Variants in KIAA1671 observed in about 807,000 individuals in gnomAD.
KIAA1671 encodes KIAA1671, also known as uncharacterized protein KIAA1671.
Under a neutral mutation model 131.2 loss-of-function variants are expected in KIAA1671, and 52 were observed. The observed-to-expected ratio is 0.40, with a 90% CI of 0.32 to 0.50. The LOEUF is 0.50. Among genes scored for constraint, KIAA1671 ranks in the 20% least tolerant of loss-of-function variants. The probability of loss-of-function intolerance (pLI) is 0.73; values close to 1 mark genes in which losing one functional copy is unlikely to be tolerated. For missense variants in KIAA1671, 2,360 were observed against 2,364.2 expected (o/e 1.00, Z 0.04); for synonymous variants, 1,003 against 961.6 (o/e 1.04, Z -0.80).
At chr22:25,005,219 G>T (rs5996809) in intron 1 of KIAA1671, among the ~76,000 whole-genome samples, 30,540 of 150,782 alleles carry the variant, frequency 0.2, 3,227 homozygotes, top group East Asian at 0.44. Flanking sequence ...GTGGTGGCGC[G>T]CACGTGTAGT....
At chr22:24,979,329 A>AT (rs1923094392) in intron 1 of KIAA1671, among the ~76,000 whole-genome samples, 1 of 138,170 alleles carries the variant, frequency 7.2e-6, no homozygotes, top group Non-Finnish European at 1.5e-5. Flanking sequence ...CATCTTAATA[A>AT]TTTATTTTAT....
chr22:25,137,189 G>A (rs1291961199), intron 6 of KIAA1671, among the ~76,000 whole-genome samples: 1 of 152,216 alleles, frequency 6.6e-6, no homozygotes, highest in Non-Finnish European at 1.5e-5. Context: ...TCTGCCATGG[G>A]CAAGGGAGTG....
chr22:25,076,566 T>C (rs1929119506), intron 6 of KIAA1671, among the ~76,000 whole-genome samples: 1 of 152,096 alleles, frequency 6.6e-6, no homozygotes, highest in Admixed American at 6.6e-5. Flanking sequence ...GGGAGAGAGA[T>C]TAAGTTTCTC....
At chr22:25,189,827 GTCTCAA>G (rs1310937765) in intron 11 of KIAA1671, among the ~76,000 whole-genome samples, 8 of 152,098 alleles carry the variant, frequency 5.3e-5, no homozygotes, top group Non-Finnish European at 8.8e-5. Context: ...GCGTAGGCTG[GTCTCAA>G]ACTCCTGGGC....
rs868271702 is a variant in KIAA1671 at position 25,187,591 on chromosome 22, C to T, written c.5342+2472C>T. Among the ~76,000 whole-genome samples, 19 of 152,242 alleles carry T rather than the reference C, an allele frequency of 1.2e-4. No individual in the cohort carries two copies. The South Asian group carries it at 1.5e-3, about 12-fold the overall frequency. On this transcript the variant is annotated intron_variant, in intron 11 of 12. Transcript: ENST00000358431. ...GAATGCAATGGCATGATTATAGCCTCGACCTCCCCAGTCTCAGGTGAATCC... is the reference window on the plus strand; with the variant it reads ...GAATGCAATGGCATGATTATAGCCTTGACCTCCCCAGTCTCAGGTGAATCC...
At position 25,127,192 on chromosome 22, in the gene KIAA1671, G is replaced by A. The variant is rs117711996; in HGVS notation, c.4531-43628G>A. On this transcript the variant is annotated intron_variant, in intron 6 of 12. Transcript: ENST00000358431. ...GGTGGTGAGAATTCCATACAGTAACGAGTGTGCTGGGCACACTGGTAGGTG... is the reference window on the plus strand; with the variant it reads ...GGTGGTGAGAATTCCATACAGTAACAAGTGTGCTGGGCACACTGGTAGGTG... Among the ~76,000 whole-genome samples, 700 of 152,298 alleles carry A rather than the reference G, an allele frequency of 4.6e-3. 15 individuals are homozygous for A. Among genetic ancestry groups the A allele is most frequent in the East Asian group, 0.035 (179 of 5,186 alleles).
At chr22:25,152,560 A>G (rs138073521) in intron 6 of KIAA1671, among the ~76,000 whole-genome samples, 276 of 152,210 alleles carry the variant, frequency 1.8e-3, no homozygotes, top group African/African-American at 6.3e-3. Flanking sequence ...GCAGTCCCCA[A>G]TCCACCCTTC....
chr22:25,033,591 T>TTTTG (rs1926420225), intron 4 of KIAA1671, among the ~76,000 whole-genome samples: 1 of 133,010 alleles, frequency 7.5e-6, no homozygotes, highest in Non-Finnish European at 1.6e-5. Flanking sequence ...TTTTTTTTTT[T>TTTTG]TTTTTTTGAT....
chr22:25,111,750 G>C (rs1931361646), intron 6 of KIAA1671: 1 of 126,762 alleles, frequency 7.9e-6, no homozygotes, highest in South Asian at 2.8e-4. Context: ...GGTGCCCAAA[G>C]GCCGCCCCCT....
At chr22:25,094,685 T>C (rs1232971545) in intron 6 of KIAA1671, among the ~76,000 whole-genome samples, 1 of 152,114 alleles carries the variant, frequency 6.6e-6, no homozygotes, top group Admixed American at 6.5e-5. Context: ...AGAAAATATG[T>C]CATGTGCCTT....
intron 1 of KIAA1671, among the ~76,000 whole-genome samples, chr22:25,000,746 G>C (rs1924418702): frequency 6.6e-6 from 1 of 150,490 alleles, no homozygotes; most frequent in Non-Finnish European, 1.5e-5. Context: ...TGAACTCCTG[G>C]CCTCAAGTGA....
chr22:25,142,678 C>T (rs1208810869), intron 6 of KIAA1671, among the ~76,000 whole-genome samples: 1 of 152,108 alleles, frequency 6.6e-6, no homozygotes, highest in African/African-American at 2.4e-5. Context: ...TCGAGACCAG[C>T]CTGACTGATA....
intron 3 of KIAA1671, among the ~76,000 whole-genome samples, chr22:25,030,930 C>T (rs1233911041): frequency 6.6e-6 from 1 of 152,254 alleles, no homozygotes; most frequent in African/African-American, 2.4e-5. Context: ...GCCCTCAGTA[C>T]TTTAGAATAA....
At chr22:25,181,060 T>C (rs2146034246) in intron 9 of KIAA1671, among the ~76,000 whole-genome samples, 1 of 152,246 alleles carries the variant, frequency 6.6e-6, no homozygotes, top group Admixed American at 6.5e-5. Context: ...CACCAGGTCT[T>C]GCCTCTTTCA....
intron 9 of KIAA1671, 22 bp downstream of exon 9, chr22:25,177,544 C>T (rs1276767716): frequency 1.3e-6 from 2 of 1,537,516 alleles, no homozygotes; most frequent in Non-Finnish European, 1.8e-6. Context: ...CTTCTCTCCT[C>T]CTCAGATAGC....
At chr22:25,161,476 T>C (rs1419676540) in intron 6 of KIAA1671, among the ~76,000 whole-genome samples, 1 of 152,182 alleles carries the variant, frequency 6.6e-6, no homozygotes, top group Non-Finnish European at 1.5e-5. Flanking sequence ...GGCACGATGG[T>C]GCCTTGTGTG....
intron 6 of KIAA1671, among the ~76,000 whole-genome samples, chr22:25,114,278 C>A (rs1240097849): frequency 6.6e-6 from 1 of 152,206 alleles, no homozygotes; most frequent in Non-Finnish European, 1.5e-5. Flanking sequence ...GAGCCCTGAC[C>A]CATTCTTAAG....
At chr22:25,111,639 G>A (rs577324284) in intron 6 of KIAA1671, among the ~76,000 whole-genome samples, 2 of 152,342 alleles carry the variant, frequency 1.3e-5, no homozygotes, top group South Asian at 4.1e-4. Context: ...TCTGGCCGAG[G>A]GCAGCCGGGC....
At chr22:25,084,507 C>A (rs1324543615) in intron 6 of KIAA1671, among the ~76,000 whole-genome samples, 1 of 149,894 alleles carries the variant, frequency 6.7e-6, no homozygotes, top group Admixed American at 6.6e-5. Flanking sequence ...TTTATGGTTT[C>A]TGGTTTATCT....
Sources: gnomAD v4.1 joint callset for allele counts (sites outside exome capture counted in the v4.1 genomes callset) on GRCh38, gnomAD v4.1.1 for gene constraint, MANE v1.5 for transcripts, NCBI Gene and HGNC (gene_info 2026-07-23, HGNC 2026-07-21) for gene names.